Variants in SHOX observed in about 807,000 individuals in gnomAD.
SHOX encodes the protein SHOX homeobox, also known as short stature homeobox protein.
SHOX carries 12 observed loss-of-function variants against 29.6 expected under a neutral mutation model. That is an observed-to-expected ratio of 0.41 (90% CI 0.26 to 0.66). The LOEUF is 0.66. SHOX is among the 30% of genes least tolerant of loss of function. SHOX has a pLI of 0.35. For missense variants in SHOX, 499 were observed against 437.7 expected, an observed-to-expected ratio of 1.14 and a Z score of -1.25; for synonymous variants, 214 against 200.6, an observed-to-expected ratio of 1.07 and a Z score of -0.57.
chrX:624,917 T>TCTTC (rs2052486989), intron 1 of SHOX, among the ~76,000 whole-genome samples: 4 of 98,284 alleles, frequency 4.1e-5, no homozygotes, highest in South Asian at 8.3e-4. Flanking sequence ...TTCCTTTCTT[T>TCTTC]CTTTCTTTCT....
chrX:631,491 G>A (rs1278408960), intron 1 of SHOX, among the ~76,000 whole-genome samples: 1 of 152,106 alleles, frequency 6.6e-6, no homozygotes, highest in Admixed American at 6.5e-5. Context: ...CGTAGGGCCT[G>A]AGATGTCTTT....
At chrX:643,607 G>GTGTCCCGGGAGAGGCTTGGGGACCTGC (rs2052905755) in intron 4 of SHOX, among the ~76,000 whole-genome samples, 1 of 143,960 alleles carries the variant, frequency 6.9e-6, no homozygotes, top group African/African-American at 2.7e-5. Flanking sequence ...TGGGGACCTG[G>GTGTCCCGGGAGAGGCTTGGGGACCTGC]TGTCCTGGGA....
intron 1 of SHOX, among the ~76,000 whole-genome samples, chrX:631,645 C>T (rs1395299659): frequency 1.3e-5 from 2 of 152,236 alleles, no homozygotes; most frequent in East Asian, 3.8e-4. Flanking sequence ...GATTCTCCTG[C>T]CTCAGCCTCC....
Position 630,973 on chromosome X carries a change from G to T in SHOX, c.76G>T (p.Gly26Cys). Reference sequence around the variant, plus strand: ...GGACGGTAACGGCGGAGGCGGAGGCGGCGGAGGTAAGAAGGATTCCATTAC... The same window carrying T: ...GGACGGTAACGGCGGAGGCGGAGGCTGCGGAGGTAAGAAGGATTCCATTAC... Reference protein sequence around the residue: ...SKDGNGGGGGGGGKKDSITYR... With the variant: ...SKDGNGGGGGCGGKKDSITYR... The change falls in exon 1 of 5, where the codon GGC (glycine) becomes TGC (cysteine). Residue 26 changes from glycine to cysteine, a missense_variant. Transcript: ENST00000686671. 2 of 1,613,838 alleles carry T rather than the reference G, an allele frequency of 1.2e-6. No homozygotes were observed. Among genetic ancestry groups the T allele is most frequent in the Non-Finnish European group, 1.7e-6 (2 of 1,179,836 alleles).
chrX:627,411 G>A (rs1367742289), upstream of SHOX, among the ~76,000 whole-genome samples: 2 of 152,174 alleles, frequency 1.3e-5, no homozygotes, highest in Non-Finnish European at 2.9e-5. Context: ...GTCAGAGAAG[G>A]GAAAGGTCTT....
chrX:631,576 G>A (rs1569493250), intron 1 of SHOX, among the ~76,000 whole-genome samples: 2 of 152,138 alleles, frequency 1.3e-5, no homozygotes, highest in Admixed American at 1.3e-4. Context: ...CTGTCCCCCA[G>A]GCTGGAGTGC....
upstream of SHOX, among the ~76,000 whole-genome samples, chrX:629,407 C>G (rs1212059216): frequency 2.6e-5 from 4 of 151,898 alleles, no homozygotes; most frequent in African/African-American, 7.3e-5. Flanking sequence ...CTCTCCATCT[C>G]TCTCCGTCTT....
chrX:627,578 C>T (rs2052560911), upstream of SHOX, among the ~76,000 whole-genome samples: 1 of 152,166 alleles, frequency 6.6e-6, no homozygotes, highest in South Asian at 2.1e-4. Flanking sequence ...TGCGTGATTT[C>T]AAAGCCACTT....
exon 6 of SHOX, chrX:658,873 TC>T: frequency 2.8e-6 from 1 of 355,894 alleles, no homozygotes. Context: ...CAAGCGATTC[TC>T]CTGCCTCAGC....
At chrX:628,105 G>C (rs73607255), upstream of SHOX, among the ~76,000 whole-genome samples, 10,441 of 148,004 alleles carry the variant, frequency 0.071, 1,203 homozygotes, top group African/African-American at 0.25. Context: ...CCCTCTCTGT[G>C]TCTCTGCCTC....
At chrX:634,583 C>G in intron 1 of SHOX, 35 bp from the exon 2 acceptor site, 1 of 1,608,380 alleles carries the variant, frequency 6.2e-7, no homozygotes, top group South Asian at 1.1e-5. Flanking sequence ...AAAACCTCCC[C>G]GGCCTCAGCC....
Position 648,283 on chromosome X carries a change from C to T in SHOX, c.*3647C>T, listed in dbSNP as rs1329699705. On this transcript the variant is annotated 3_prime_UTR_variant, in exon 5 of 5. Transcript: ENST00000686671. ...TCGGCCTCCTGAGTAGCTGGGATTACAGGCACCTGCCACCAGGCCTGGGTA... is the reference window on the plus strand; with the variant it reads ...TCGGCCTCCTGAGTAGCTGGGATTATAGGCACCTGCCACCAGGCCTGGGTA... 2.7e-5 allele frequency among the ~76,000 whole-genome samples: 4 copies of T among 147,390 alleles called. No homozygotes were observed. The highest frequency in any genetic ancestry group is 4.5e-5 in the Non-Finnish European group (3 of 67,024).
At chrX:637,804 C>G (rs1461699468) in intron 2 of SHOX, among the ~76,000 whole-genome samples, 1 of 152,122 alleles carries the variant, frequency 6.6e-6, no homozygotes, top group Non-Finnish European at 1.5e-5. Context: ...CAGCCCGTCC[C>G]GTGCTGTGAC....
upstream of SHOX, among the ~76,000 whole-genome samples, chrX:627,118 C>T (rs1326107474): frequency 6.6e-6 from 1 of 152,144 alleles, no homozygotes; most frequent in East Asian, 1.9e-4. Flanking sequence ...AAACCTCCAA[C>T]AAGCACCCCC....
At chrX:635,594 C>CGA (rs1282434180) in intron 2 of SHOX, among the ~76,000 whole-genome samples, 2 of 152,210 alleles carry the variant, frequency 1.3e-5, no homozygotes, top group South Asian at 2.1e-4. Context: ...GGGGGCTCCC[C>CGA]GAGGAGCGCG....
At position 649,552 on chromosome X, in the gene SHOX, C is replaced by T. The variant is rs1407404028; in HGVS notation, c.*4916C>T. Among the ~76,000 whole-genome samples the T allele has an allele frequency of 6.6e-6, 1 of 152,144 alleles. No individual in the cohort carries two copies. The highest frequency in any genetic ancestry group is 1.5e-5 in the Non-Finnish European group (1 of 68,018). Reference sequence around the variant, plus strand: ...GATTCTTGGTGCTTTTTGCTCAAAACAAGGTTCTTTTGAAAGTCACGTTCC... The same window carrying T: ...GATTCTTGGTGCTTTTTGCTCAAAATAAGGTTCTTTTGAAAGTCACGTTCC... On this transcript the variant is annotated 3_prime_UTR_variant, in exon 5 of 5. Transcript: ENST00000686671.
chrX:634,883 C>T (rs761072836), intron 2 of SHOX, 57 bp downstream of exon 2: 127 of 1,517,980 alleles, frequency 8.4e-5, no homozygotes, highest in Non-Finnish European at 1.0e-4. Context: ...TCCTCGGGAG[C>T]GCACAGCACG....
At chrX:624,862 T>TTTCCTTTCTTTCTTTTCTTGC (rs1556451588) in intron 1 of SHOX, among the ~76,000 whole-genome samples, 1 of 76,810 alleles carries the variant, frequency 1.3e-5, no homozygotes, top group African/African-American at 5.0e-5. Flanking sequence ...TCTTTCTTTC[T>TTTCCTTTCTTTCTTTTCTTGC]TTTCTTTCTT....
rs1449531942 is a variant in SHOX, at chrX:650,191, G to A, written c.*5555G>A. 4.6e-5 allele frequency among the ~76,000 whole-genome samples: 7 copies of A among 152,206 alleles called. No homozygotes were observed. Among genetic ancestry groups the A allele is most frequent in the Non-Finnish European group, 7.3e-5 (5 of 68,038 alleles). On this transcript the variant is annotated 3_prime_UTR_variant, in exon 5 of 5. Coordinates refer to ENST00000686671, the MANE Select transcript of SHOX (RefSeq NM_000451.4). The stretch of plus-strand genomic sequence containing the variant: ...TGGGACAGATTCTGTGCCTCTGTAC[G>A]ATTTAGAGCGTAACTGACCGCGTCC...
Sources: gnomAD v4.1 joint callset for allele counts (sites outside exome capture counted in the v4.1 genomes callset) on GRCh38, gnomAD v4.1.1 for gene constraint, MANE v1.5 for transcripts, NCBI Gene and HGNC (gene_info 2026-07-23, HGNC 2026-07-21) for gene names.